The following NEBL variants were observed in gnomAD, a reference collection of about 807,000 sequenced individuals.
NEBL encodes nebulette, also known as LIM and SH3 protein 2.
A neutral mutation model predicts 140.2 loss-of-function variants in NEBL; 122 were observed. The observed-to-expected ratio is 0.87, with a 90% CI of 0.75 to 1.01. The LOEUF is 1.01. NEBL is among the 50% of genes least tolerant of loss of function. The probability of loss-of-function intolerance (pLI) is 0.00; values close to 1 mark genes in which losing one functional copy is unlikely to be tolerated. For missense variants in NEBL, 1,365 were observed against 1,231.3 expected (o/e 1.11, Z -1.62); for synonymous variants, 436 against 398.9 (o/e 1.09, Z -1.11).
chr10:20,962,815 G>A (rs1421197573), intron 3 of NEBL, among the ~76,000 whole-genome samples: 1 of 151,968 alleles, frequency 6.6e-6, no homozygotes, highest in Admixed American at 6.6e-5. Flanking sequence ...GTTAATTTAG[G>A]GTTGCCTATT....
intron 2 of NEBL, among the ~76,000 whole-genome samples, chr10:21,092,656 A>G (rs541323874): frequency 6.6e-6 from 1 of 151,180 alleles, no homozygotes; most frequent in African/African-American, 2.4e-5. Flanking sequence ...AGCACCTGCC[A>G]GTTCCTTTAG....
chr10:20,828,085 A>G (rs1840060567), intron 17 of NEBL, among the ~76,000 whole-genome samples: 1 of 152,106 alleles, frequency 6.6e-6, no homozygotes, highest in Non-Finnish European at 1.5e-5. Flanking sequence ...AAAGTTAAAA[A>G]AAAAAGTGCT....
intron 4 of NEBL, among the ~76,000 whole-genome samples, chr10:20,942,011 G>A (rs904081125): frequency 2.7e-4 from 41 of 152,162 alleles, no homozygotes; most frequent in Non-Finnish European, 5.0e-4. Context: ...TGGCCACACT[G>A]CCCAAGGTAA....
chr10:21,200,938 A>T (rs1841725475), intron 3 of NEBL, among the ~76,000 whole-genome samples: 1 of 152,056 alleles, frequency 6.6e-6, no homozygotes, highest in Admixed American at 6.6e-5. Flanking sequence ...AAAAAATAAA[A>T]AATTATCTGG....
chr10:20,884,405 C>T (rs529249190), intron 4 of NEBL, among the ~76,000 whole-genome samples: 1 of 152,236 alleles, frequency 6.6e-6, no homozygotes, highest in South Asian at 2.1e-4. Flanking sequence ...GGGGGTTTCA[C>T]AGATGCCCTG....
intron 2 of NEBL, among the ~76,000 whole-genome samples, chr10:21,164,002 T>A (rs558124918): frequency 1.3e-5 from 2 of 152,342 alleles, no homozygotes; most frequent in East Asian, 3.9e-4. Flanking sequence ...CTTCCTGTTT[T>A]CATGGTTAGG....
intron 3 of NEBL, among the ~76,000 whole-genome samples, chr10:21,183,939 T>A (rs1181712778): frequency 3.3e-5 from 5 of 152,144 alleles, no homozygotes; most frequent in Non-Finnish European, 5.9e-5. Context: ...TTGCACAAGC[T>A]CTCTTCTCTT....
chr10:21,174,489 CA>C (rs1382427564), upstream of NEBL: 1 of 152,564 alleles, frequency 6.6e-6, no homozygotes, highest in Non-Finnish European at 1.5e-5. Context: ...CAGCCGGGGG[CA>C]CCCTCATCCC....
intron 2 of NEBL, among the ~76,000 whole-genome samples, chr10:21,161,035 C>A (rs948410448): frequency 1.3e-5 from 2 of 151,982 alleles, no homozygotes; most frequent in African/African-American, 4.8e-5. Context: ...GTCAGTGACC[C>A]GTAATCCAGC....
At chr10:21,014,589 A>T (rs1838481942) in intron 3 of NEBL, among the ~76,000 whole-genome samples, 2 of 152,178 alleles carry the variant, frequency 1.3e-5, no homozygotes, top group Non-Finnish European at 2.9e-5. Context: ...ACGCTTTAAG[A>T]TGCAACTCCC....
intron 3 of NEBL, among the ~76,000 whole-genome samples, chr10:21,200,196 C>T (rs1007080839): frequency 6.6e-6 from 1 of 151,940 alleles, no homozygotes; most frequent in East Asian, 1.9e-4. Context: ...GCTACTCAGA[C>T]TCAGGGTCTC....
At chr10:21,275,783 G>C (rs1035612845) in intron 1 of NEBL, among the ~76,000 whole-genome samples, 6 of 150,310 alleles carry the variant, frequency 4.0e-5, no homozygotes, top group African/African-American at 1.2e-4. Flanking sequence ...TGGGATTACA[G>C]GCAAGTGCCA....
intron 2 of NEBL, among the ~76,000 whole-genome samples, chr10:21,130,425 C>G (rs190734565): frequency 2.8e-4 from 42 of 152,228 alleles, no homozygotes; most frequent in Non-Finnish European, 4.9e-4. Flanking sequence ...GTATAGACTA[C>G]TTTACCCAAC....
In NEBL at chr10:21,048,059, A is replaced by G. The variant is rs150094100; in HGVS notation, c.165-27858T>C. Among the ~76,000 whole-genome samples the G allele has an allele frequency of 9.5e-4, 144 of 152,290 alleles. 1 individual carries two copies. The highest frequency in any genetic ancestry group is 3.4e-3 in the Middle Eastern group (1 of 294). ...CACATCACAATATCAACACATTGCA[A>G]TGCAAAGTGAGCGGTTCTCCAAGAC... On this transcript the variant is annotated intron_variant, in intron 2 of 6. Coordinates refer to the NEBL transcript ENST00000417816.
At chr10:21,064,608 A>G (rs1835450412) in intron 2 of NEBL, among the ~76,000 whole-genome samples, 1 of 152,234 alleles carries the variant, frequency 6.6e-6, no homozygotes, top group Admixed American at 6.5e-5. Context: ...CTCCTTTATT[A>G]AGTGTTGTTG....
At chr10:20,881,920 A>T (rs999440500) in intron 4 of NEBL, among the ~76,000 whole-genome samples, 4 of 152,224 alleles carry the variant, frequency 2.6e-5, no homozygotes, top group African/African-American at 9.6e-5. Flanking sequence ...GCAACTTAAG[A>T]AAGACAAAGT....
intron 2 of NEBL, among the ~76,000 whole-genome samples, chr10:21,057,801 T>C (rs1462277557): frequency 6.6e-6 from 1 of 152,154 alleles, no homozygotes; most frequent in East Asian, 1.9e-4. Flanking sequence ...GCTCAAGCCA[T>C]CAGCCCGCCT....
chr10:20,884,398 G>A (rs1221918352), intron 4 of NEBL, among the ~76,000 whole-genome samples: 2 of 152,048 alleles, frequency 1.3e-5, no homozygotes, highest in Non-Finnish European at 2.9e-5. Context: ...TGAAATTGGG[G>A]GTTTCACAGA....
At chr10:21,023,555 C>T (rs534443913) in intron 2 of NEBL, among the ~76,000 whole-genome samples, 1 of 152,170 alleles carries the variant, frequency 6.6e-6, no homozygotes, top group African/African-American at 2.4e-5. Flanking sequence ...AATAGCCAGG[C>T]ATGGTGGCGC....
Sources: gnomAD v4.1 joint callset for allele counts (sites outside exome capture counted in the v4.1 genomes callset) on GRCh38, gnomAD v4.1.1 for gene constraint, MANE v1.5 for transcripts, NCBI Gene and HGNC (gene_info 2026-07-23, HGNC 2026-07-21) for gene names.